OLFM1: variants seen among roughly 807,000 people sequenced by gnomAD.
OLFM1 encodes the protein olfactomedin 1, also known as noelin.
Under a neutral mutation model 49.7 loss-of-function variants are expected in OLFM1, and 9 were observed. The observed-to-expected ratio is 0.18, with a 90% CI of 0.11 to 0.32. The LOEUF (loss-of-function observed/expected upper bound fraction) is 0.32. OLFM1 is among the 10% of genes least tolerant of loss of function. OLFM1 has a pLI of 1.00. For missense variants in OLFM1, 369 were observed against 661.8 expected, an observed-to-expected ratio of 0.56 and a Z score of 4.85; for synonymous variants, 240 against 271.8, an observed-to-expected ratio of 0.88 and a Z score of 1.15.
chr9:135,097,881 T>A (rs1443150649), intron 3 of OLFM1: 1 of 1,586,838 alleles, frequency 6.3e-7, no homozygotes, highest in Non-Finnish European at 8.6e-7. Flanking sequence ...GCACCATGCA[T>A]TTTTACTATT....
In OLFM1 at chr9:135,101,838, C is replaced by T. The variant is rs147050522; in HGVS notation, c.676+3333C>T. ...GGGCGTGGCATGTGCCTGTCAGCTT[C>T]AGGCCTCCGTGGTCCTCTCTATAAA... On this transcript the variant is annotated intron_variant, in intron 4 of 5. Coordinates refer to ENST00000371793, the MANE Select transcript of OLFM1 (RefSeq NM_001282611.2). Among the ~76,000 whole-genome samples the T allele has an allele frequency of 1.7e-3, 256 of 152,366 alleles. 1 individual carries two copies. The highest frequency in any genetic ancestry group is 5.9e-3 in the African/African-American group (244 of 41,586).
chr9:135,076,478 G>A, intron 1 of OLFM1: 1 of 1,383,884 alleles, frequency 7.2e-7, no homozygotes, highest in East Asian at 2.5e-5. Context: ...TGTATCAATA[G>A]AGAAAGGTCT....
chr9:135,115,009 G>A (rs1306880284), intron 5 of OLFM1, among the ~76,000 whole-genome samples: 1 of 152,172 alleles, frequency 6.6e-6, no homozygotes, highest in Non-Finnish European at 1.5e-5. Flanking sequence ...GGCCAGGCAG[G>A]AACAGCAAGC....
chr9:135,107,992 G>C (rs1352293942), intron 5 of OLFM1, among the ~76,000 whole-genome samples: 1 of 152,172 alleles, frequency 6.6e-6, no homozygotes, highest in East Asian at 1.9e-4. Flanking sequence ...GGGAGGGGAG[G>C]GGGACTGGCA....
chr9:135,084,438 CTATTA>C (rs1275178096), upstream of OLFM1, among the ~76,000 whole-genome samples: 463 of 72,504 alleles, frequency 6.4e-3, 20 homozygotes, highest in African/African-American at 0.031. The surrounding 1 kb of genome is among the most constrained non-coding windows in gnomAD (Gnocchi z 4.6). Context: ...CTCTCTGTCT[CTATTA>C]TCTCTCCTCT....
chr9:135,086,964 T>C (rs114654291), upstream of OLFM1, among the ~76,000 whole-genome samples: 1,625 of 152,332 alleles, frequency 0.011, 27 homozygotes, highest in South Asian at 0.047. Flanking sequence ...CCAGACCTTA[T>C]GCAGCTCCTG....
rs1588205873 is a variant in OLFM1 at position 135,088,672 on chromosome 9, G to T, written c.150+533G>T. ...GGTGGGCTCCGGAGCTCCTGCCCGCGCCTGCATTCCCAAAGTCCCAAGGCG... is the reference window on the plus strand; with the variant it reads ...GGTGGGCTCCGGAGCTCCTGCCCGCTCCTGCATTCCCAAAGTCCCAAGGCG... On this transcript the variant is annotated intron_variant, in intron 1 of 5. Coordinates refer to ENST00000371793, the MANE Select transcript of OLFM1 (RefSeq NM_001282611.2). This position sits in a 1 kb window ranked among gnomAD's most constrained non-coding sequence, Gnocchi z 4.8. 6.6e-6 allele frequency among the ~76,000 whole-genome samples: 1 copy of T among 152,232 alleles called. No individual in the cohort carries two copies. Among genetic ancestry groups the T allele is most frequent in the African/African-American group, 2.4e-5 (1 of 41,556 alleles).
rs1294625061 is a variant in OLFM1 at position 135,088,948 on chromosome 9, G to T, written c.150+809G>T. Among the ~76,000 whole-genome samples, 1 of 152,234 alleles carries T rather than the reference G, an allele frequency of 6.6e-6. No homozygotes were observed. The highest frequency in any genetic ancestry group is 1.5e-5 in the Non-Finnish European group (1 of 68,050). ...CTGACTTAGATGGCTGAGCGAGGCT[G>T]AGCTGAAACCGCCACCCGGAGGGCC... On this transcript the variant is annotated intron_variant, in intron 1 of 5. Coordinates refer to ENST00000371793, the MANE Select transcript of OLFM1 (RefSeq NM_001282611.2). The surrounding 1 kb of genome is among the most constrained non-coding windows in gnomAD (Gnocchi z 4.8).
rs1313592889 is a variant in OLFM1 at position 135,113,579 on chromosome 9, C to T, written c.784-5925C>T. 2.0e-5 allele frequency among the ~76,000 whole-genome samples: 3 copies of T among 152,254 alleles called. No homozygotes were observed. The highest frequency in any genetic ancestry group is 6.5e-5 in the Admixed American group (1 of 15,308). On this transcript the variant is annotated intron_variant, in intron 5 of 5. Coordinates refer to ENST00000371793, the MANE Select transcript of OLFM1 (RefSeq NM_001282611.2). This position sits in a 1 kb window ranked among gnomAD's most constrained non-coding sequence, Gnocchi z 4.0. Reference sequence around the variant, plus strand: ...GACTGGCGGTGGCTGGCGGTGGAGGCGCTTCTTGGTGCCGCATTAACAGGA... The same window carrying T: ...GACTGGCGGTGGCTGGCGGTGGAGGTGCTTCTTGGTGCCGCATTAACAGGA...
chr9:135,097,518 G>A (rs933906540), intron 3 of OLFM1, among the ~76,000 whole-genome samples: 2 of 152,182 alleles, frequency 1.3e-5, no homozygotes, highest in Non-Finnish European at 2.9e-5. Context: ...ATCTCTCCGA[G>A]TTTCCAATTT....
chr9:135,118,042 G>A (rs1425775654), intron 5 of OLFM1, among the ~76,000 whole-genome samples: 3 of 152,184 alleles, frequency 2.0e-5, no homozygotes, highest in African/African-American at 7.2e-5. Context: ...TGGCTCTCTG[G>A]GTTTGGAGGG....
At chr9:135,110,245 AG>A (rs1274542804) in intron 5 of OLFM1, among the ~76,000 whole-genome samples, 1 of 152,108 alleles carries the variant, frequency 6.6e-6, no homozygotes, top group African/African-American at 2.4e-5. Flanking sequence ...CCCAGCTCGG[AG>A]GCTTCTGGCC....
rs139199005 is a variant in OLFM1 at position 135,104,825 on chromosome 9, C to A, written c.677-1924C>A. ...CCCTCCCACCTCCTGCCTCCTGCTC[C>A]TCCAGGGCCTTAGTGAAGCCGCCCT... On this transcript the variant is annotated intron_variant, in intron 4 of 5. Coordinates refer to ENST00000371793, the MANE Select transcript of OLFM1 (RefSeq NM_001282611.2). Among the ~76,000 whole-genome samples the A allele has an allele frequency of 4.3e-3, 652 of 152,358 alleles. 3 individuals carry two copies. The highest frequency in any genetic ancestry group is 7.5e-3 in the Non-Finnish European group (511 of 68,032).
chr9:135,080,385 A>G lies in OLFM1; in HGVS notation c.96+4583A>G, dbSNP rs1588200563. On this transcript the variant is annotated intron_variant, in intron 1 of 5. Transcript: ENST00000252854. The surrounding 1 kb of genome is among the most constrained non-coding windows in gnomAD (Gnocchi z 4.5). ...GAAATTGGGGTCTTTTCCTAAACCC[A>G]TTATTTCAGAATACGTGGAATTCAT... is the stretch of plus-strand genomic sequence containing the variant. Among the ~76,000 whole-genome samples the G allele has an allele frequency of 6.6e-6, 1 of 152,108 alleles. No homozygotes were observed. The highest frequency in any genetic ancestry group is 1.9e-4 in the East Asian group (1 of 5,146).
In OLFM1 at chr9:135,080,434, T is replaced by A. The variant is rs650208; in HGVS notation, c.96+4632T>A. ...ATTCAGTCTTTGCACCAAAGTTGGC[T>A]GTGGCCTCTCAGGCTGGCAATGCCT... On this transcript the variant is annotated intron_variant, in intron 1 of 5. Transcript: ENST00000252854. The surrounding 1 kb of genome is among the most constrained non-coding windows in gnomAD (Gnocchi z 4.5). 6.6e-6 allele frequency among the ~76,000 whole-genome samples: 1 copy of A among 151,860 alleles called. No homozygotes were observed. Among genetic ancestry groups the A allele is most frequent in the Non-Finnish European group, 1.5e-5 (1 of 67,952 alleles).
At chr9:135,085,846 T>G (rs1316551752), upstream of OLFM1, among the ~76,000 whole-genome samples, 3 of 152,242 alleles carry the variant, frequency 2.0e-5, no homozygotes, top group African/African-American at 7.2e-5. Context: ...ATCACAGATT[T>G]TAGAAACTGG....
intron 5 of OLFM1, among the ~76,000 whole-genome samples, chr9:135,116,062 G>T (rs996972510): frequency 1.3e-5 from 2 of 152,216 alleles, no homozygotes; most frequent in Non-Finnish European, 2.9e-5. Flanking sequence ...CGCCTCCCCA[G>T]AGAGGAAGCT....
At position 135,120,939 on chromosome 9, in the gene OLFM1, C is replaced by T. The variant is rs986325302; in HGVS notation, c.*761C>T. ...AAAGAAAAAAAAAATCAGTGTTCAC[C>T]CTTATAGAGACATAGTCAAGTTCAT... On this transcript the variant is annotated 3_prime_UTR_variant, in exon 6 of 6. Transcript: ENST00000371793. The T allele has an allele frequency of 2.0e-5, 3 of 152,376 alleles. No individual in the cohort carries two copies. Among genetic ancestry groups the T allele is most frequent in the African/African-American group, 7.2e-5 (3 of 41,398 alleles). The allele number at this position is 152,376 out of a possible 1,614,324, so 9.4% of individuals were successfully genotyped here.
At chr9:135,083,361 T>C (rs563974906), upstream of OLFM1, among the ~76,000 whole-genome samples, 2 of 152,250 alleles carry the variant, frequency 1.3e-5, no homozygotes, top group Admixed American at 1.3e-4. Context: ...GCGTGGAACC[T>C]GCCAGGGAGA....
Sources: gnomAD v4.1 joint callset for allele counts (sites outside exome capture counted in the v4.1 genomes callset) on GRCh38, gnomAD v4.1.1 for gene constraint, Gnocchi (gnomAD v3.1) non-coding constraint, MANE v1.5 for transcripts, NCBI Gene and HGNC (gene_info 2026-07-23, HGNC 2026-07-21) for gene names.